CELSR3: variants seen among roughly 807,000 people sequenced by gnomAD.
CELSR3 encodes cadherin EGF LAG seven-pass G-type receptor 3.
A neutral mutation model predicts 270.0 loss-of-function variants in CELSR3; 73 were observed. The observed-to-expected ratio is 0.27, with a 90% CI of 0.22 to 0.33. The LOEUF (loss-of-function observed/expected upper bound fraction) is 0.33, where lower values mean the gene tolerates loss of function less well. Among genes scored for constraint, CELSR3 ranks in the 10% least tolerant of loss-of-function variants. The pLI is 1.00. For missense variants in CELSR3, 3,614 were observed against 4,533.8 expected (o/e 0.80, Z 5.83); for synonymous variants, 1,780 against 1,905.4 (o/e 0.93, Z 1.71).
rs368130403 is a variant in CELSR3 at position 48,645,602 on chromosome 3, G to A, written c.7638C>T (p.Val2546=). The change falls in exon 24 of 35, where the codon GTC becomes GTT. Residue 2546 remains valine, a synonymous_variant. Transcript: ENST00000164024. The surrounding 1 kb of genome is among the most constrained non-coding windows in gnomAD (Gnocchi z 5.4). ...LELLAVFTHV[V]VAVSVAALVL... ...CCAGCGCAGCCACAGACACAGCCAC[G>A]ACCACGTGGGTGAACACAGCCAGCA... The A allele has an allele frequency of 2.4e-5, 39 of 1,612,010 alleles. No individual in the cohort carries two copies. The Admixed American group carries it at 3.2e-4, about 13-fold the overall frequency.
At position 48,657,542 on chromosome 3, in the gene CELSR3, T is replaced by C. The variant is rs551272527; in HGVS notation, c.3749-194A>G. Among the ~76,000 whole-genome samples the C allele has an allele frequency of 6.6e-6, 1 of 152,314 alleles. No individual in the cohort carries two copies. The highest frequency in any genetic ancestry group is 2.4e-5 in the African/African-American group (1 of 41,562). On this transcript the variant is annotated intron_variant, in intron 1 of 34. Transcript: ENST00000164024. The surrounding 1 kb of genome is among the most constrained non-coding windows in gnomAD (Gnocchi z 5.4). ...CAGCATCAAGGTGTCAAAAAGCTGC[T>C]GCTTCCTCCCCCAATCCCCAATACA... is the stretch of plus-strand genomic sequence containing the variant.
chr3:48,651,967 C>T lies in CELSR3; in HGVS notation c.5833G>A (p.Val1945Ile). ...SHRVNAEPGC[V>I]VTNACASGPC... ...CCAGAGGCACAGGCGTTGGTCACAA[C>T]ACAGCCAGGCTCCGCATTCACTCGG... is the stretch of plus-strand genomic sequence containing the variant. The change falls in exon 12 of 35, where the codon GTT (valine) becomes ATT (isoleucine). Residue 1945 changes from valine (V) to isoleucine (I), a missense_variant. Transcript: ENST00000164024. This position sits in a 1 kb window ranked among gnomAD's most constrained non-coding sequence, Gnocchi z 7.4. 1 of 1,605,702 alleles carries T rather than the reference C, an allele frequency of 6.2e-7. No individual in the cohort carries two copies. Among genetic ancestry groups the T allele is most frequent in the Non-Finnish European group, 8.5e-7 (1 of 1,177,200 alleles).
rs750544050 is a variant in CELSR3 at position 48,651,335 on chromosome 3, T to G, written c.6186+24A>C. ...TTGCAGATTGCGTCCAAGGAAGGGT[T>G]AAAAGGTCAGGGGCCAGGCGCACCT... On this transcript the variant is annotated intron_variant, in intron 14 of 34. Coordinates refer to ENST00000164024, the MANE Select transcript of CELSR3 (RefSeq NM_001407.3). This position sits in a 1 kb window ranked among gnomAD's most constrained non-coding sequence, Gnocchi z 7.4. 6.2e-7 allele frequency: 1 copy of G among 1,613,476 alleles called. No homozygotes were observed. The highest frequency in any genetic ancestry group is 8.5e-7 in the Non-Finnish European group (1 of 1,179,586).
At position 48,655,992 on chromosome 3, in the gene CELSR3, G is replaced by A. The variant is rs1347050682; in HGVS notation, c.4626-141C>T. The A allele has an allele frequency of 9.0e-7, 1 of 1,107,514 alleles. No homozygotes were observed. Among genetic ancestry groups the A allele is most frequent in the Non-Finnish European group, 1.3e-6 (1 of 763,086 alleles). 68.6% of individuals were successfully genotyped at this position (1,107,514 alleles called of 1,614,324 possible). On this transcript the variant is annotated intron_variant, in intron 3 of 34. Coordinates refer to ENST00000164024, the MANE Select transcript of CELSR3 (RefSeq NM_001407.3). The surrounding 1 kb of genome is among the most constrained non-coding windows in gnomAD (Gnocchi z 5.8). ...CGGCGGGACCGACCGGGGGGACGCG[G>A]GTGCAGCGAGGTCAGGAGACCCCGG...
At position 48,651,245 on chromosome 3, in the gene CELSR3, C is replaced by T. The variant is rs1227474568; in HGVS notation, c.6186+114G>A. 6.5e-7 allele frequency: 1 copy of T among 1,534,318 alleles called. No individual in the cohort carries two copies. The highest frequency in any genetic ancestry group is 1.8e-5 in the Admixed American group (1 of 56,718). On this transcript the variant is annotated intron_variant, in intron 14 of 34. Coordinates refer to ENST00000164024, the MANE Select transcript of CELSR3 (RefSeq NM_001407.3). This position sits in a 1 kb window ranked among gnomAD's most constrained non-coding sequence, Gnocchi z 7.4. Reference sequence around the variant, plus strand: ...AAAGGATGAGAGACAGCAACTTGGTCACAGGACACAGGCAAGAGGTTAGGG... The same window carrying T: ...AAAGGATGAGAGACAGCAACTTGGTTACAGGACACAGGCAAGAGGTTAGGG...
chr3:48,655,503 C>G lies in CELSR3; in HGVS notation c.4742-109G>C, dbSNP rs374148807. 1 of 1,135,168 alleles carries G rather than the reference C, an allele frequency of 8.8e-7. No individual in the cohort carries two copies. The highest frequency in any genetic ancestry group is 1.3e-6 in the Non-Finnish European group (1 of 763,214). 70.3% of individuals were successfully genotyped at this position (1,135,168 alleles called of 1,614,324 possible). A position where few individuals can be genotyped will look rare whatever the true frequency, so the allele number is the denominator to read the frequency against. ...GCCACCCTGGATGCATCAGATCAGT[C>G]CCCCCACTGGTGACCACAATGGCTG... On this transcript the variant is annotated intron_variant, in intron 4 of 34. Transcript: ENST00000164024. The surrounding 1 kb of genome is among the most constrained non-coding windows in gnomAD (Gnocchi z 5.8).
rs759422396 is a variant in CELSR3, at chr3:48,661,088, C to T, written c.1547G>A (p.Ser516Asn). 12 of 1,613,258 alleles carry T rather than the reference C, an allele frequency of 7.4e-6. No individual in the cohort carries two copies. Among genetic ancestry groups the T allele is most frequent in the Non-Finnish European group, 1.0e-5 (12 of 1,179,940 alleles). Reference protein sequence around the residue: ...MESYELVVEASDQGQEPGPRS... With the variant: ...MESYELVVEANDQGQEPGPRS... ...CGGCCCGGGTTCCTGGCCCTGGTCG[C>T]TGGCTTCCACCACCAGCTCATAGCT... The change falls in exon 1 of 35, where the codon AGC becomes AAC. Residue 516 changes from serine to asparagine, a missense_variant. Transcript: ENST00000164024.
rs1419563936 is a variant in CELSR3 at position 48,661,563 on chromosome 3, C to T, written c.1072G>A (p.Gly358Arg). The T allele has an allele frequency of 2.5e-6, 4 of 1,608,268 alleles. No homozygotes were observed. The highest frequency in any genetic ancestry group is 2.2e-5 in the East Asian group (1 of 44,854). The change falls in exon 1 of 35, where the codon GGG (glycine) becomes AGG (arginine). Residue 358 changes from glycine (G) to arginine (R), a missense_variant. Physicochemically the swap from Gly to Arg is moderately radical, Grantham distance 125. Coordinates refer to ENST00000164024, the MANE Select transcript of CELSR3 (RefSeq NM_001407.3). ...VAQDPDAGEAGRLVYSLAALM... is the reference protein window; with the variant it reads ...VAQDPDAGEARRLVYSLAALM... ...GCCGCCAGCGAGTAGACTAGGCGCCCGGCCTCGCCGGCGTCCGGGTCCTGA... is the reference window on the plus strand; with the variant it reads ...GCCGCCAGCGAGTAGACTAGGCGCCTGGCCTCGCCGGCGTCCGGGTCCTGA...
chr3:48,651,897 A>T lies in CELSR3; in HGVS notation c.5903T>A (p.Phe1968Tyr). The change falls in exon 12 of 35, where the codon TTT becomes TAT. Residue 1968 changes from phenylalanine (F) to tyrosine (Y), a missense_variant. This residue lies in a region of CELSR3 where 1,331 missense variants were observed against 1,933.7 expected (regional missense o/e 0.69). Coordinates refer to ENST00000164024, the MANE Select transcript of CELSR3 (RefSeq NM_001407.3). The surrounding 1 kb of genome is among the most constrained non-coding windows in gnomAD (Gnocchi z 7.4). ...HADCRDLWQT[F>Y]SCTCQPGYYG... Reference sequence around the variant, plus strand: ...CTCACCTGGCTGGCAGGTGCAAGAAAAGGTCTGCCAGAGGTCCCGGCAGTC... The same window carrying T: ...CTCACCTGGCTGGCAGGTGCAAGAATAGGTCTGCCAGAGGTCCCGGCAGTC... 1 of 1,612,018 alleles carries T rather than the reference A, an allele frequency of 6.2e-7. No individual in the cohort carries two copies. Among genetic ancestry groups the T allele is most frequent in the Non-Finnish European group, 8.5e-7 (1 of 1,179,294 alleles).
chr3:48,662,078 G>A lies in CELSR3; in HGVS notation c.557C>T (p.Ser186Phe), dbSNP rs2077071354. The change falls in exon 1 of 35, where the codon TCC (serine) becomes TTC (phenylalanine). Residue 186 changes from serine (S) to phenylalanine (F), a missense_variant. By Grantham distance (155) the Ser-to-Phe change is radical. Transcript: ENST00000164024. This position sits in a 1 kb window ranked among gnomAD's most constrained non-coding sequence, Gnocchi z 7.1. ...GCCTGTCCCAGCGTTCCGCTGGGAGGACACCGGCTTGGGACCGTGGTGCCG... is the reference window on the plus strand; with the variant it reads ...GCCTGTCCCAGCGTTCCGCTGGGAGAACACCGGCTTGGGACCGTGGTGCCG... ...LIRHHGPKPV[S>F]SQRNAGTGSR... 1 of 1,614,098 alleles carries A rather than the reference G, an allele frequency of 6.2e-7. No individual in the cohort carries two copies. Among genetic ancestry groups the A allele is most frequent in the Non-Finnish European group, 8.5e-7 (1 of 1,180,030 alleles).
At position 48,659,304 on chromosome 3, in the gene CELSR3, T is replaced by C. The variant is rs1401556920; in HGVS notation, c.3331A>G (p.Ile1111Val). The change falls in exon 1 of 35, where the codon ATC becomes GTC. Residue 1111 changes from isoleucine (I) to valine (V), a missense_variant. By Grantham distance (29) the Ile-to-Val change is conservative. Around this residue, in one of 7 missense-constraint regions of CELSR3, gnomAD observed 1,331 missense variants for 1,933.7 expected, o/e 0.69. Coordinates refer to ENST00000164024, the MANE Select transcript of CELSR3 (RefSeq NM_001407.3). This position sits in a 1 kb window ranked among gnomAD's most constrained non-coding sequence, Gnocchi z 8.1. ...HIMYQIVEGN[I>V]PELFQMDIFS... ...ATGTCCATTTGGAACAGCTCAGGGA[T>C]GTTCCCCTCCACGATCTGGTACATT... The C allele has an allele frequency of 2.5e-6, 4 of 1,614,176 alleles. No individual in the cohort carries two copies. The highest frequency in any genetic ancestry group is 3.4e-6 in the Non-Finnish European group (4 of 1,180,022).
At chr3:48,643,705 G>T in intron 27 of CELSR3, 28 bp from the exon 28 acceptor site, 2 of 1,551,024 alleles carry the variant, frequency 1.3e-6, no homozygotes, top group South Asian at 1.2e-5. Context: ...GAAGACACAG[G>T]AGGACATGCA....
At position 48,655,013 on chromosome 3, in the gene CELSR3, G is replaced by C; in HGVS notation, c.4988+31C>G. The C allele has an allele frequency of 1.9e-6, 3 of 1,608,860 alleles. No homozygotes were observed. The highest frequency in any genetic ancestry group is 2.6e-6 in the Non-Finnish European group (3 of 1,175,526). On this transcript the variant is annotated intron_variant, in intron 6 of 34. Coordinates refer to ENST00000164024, the MANE Select transcript of CELSR3 (RefSeq NM_001407.3). This position sits in a 1 kb window ranked among gnomAD's most constrained non-coding sequence, Gnocchi z 5.8. The stretch of plus-strand genomic sequence containing the variant: ...GTTGGAGTGGGCTTTGGTAGGCAGG[G>C]GACAAGGGGACTAGGGGGCAGGGGC...
chr3:48,644,424 C>T lies in CELSR3; in HGVS notation c.8086-129G>A. 1.2e-6 allele frequency: 1 copy of T among 805,980 alleles called. No individual in the cohort carries two copies. The highest frequency in any genetic ancestry group is 2.1e-6 in the Non-Finnish European group (1 of 484,574). The allele number at this position is 805,980 out of a possible 1,614,324, so 49.9% of individuals were successfully genotyped here. On this transcript the variant is annotated intron_variant, in intron 26 of 34. Transcript: ENST00000164024. The surrounding 1 kb of genome is among the most constrained non-coding windows in gnomAD (Gnocchi z 4.8). ...AACCAGTGAGAAATTCACACATATA[C>T]ACACACACCAAAGGAGCTTAGCATC...
chr3:48,659,452 G>A lies in CELSR3; in HGVS notation c.3183C>T (p.Asn1061=), dbSNP rs568196050. 32 of 1,614,046 alleles carry A rather than the reference G, an allele frequency of 2.0e-5. No individual in the cohort carries two copies. The highest frequency in any genetic ancestry group is 2.7e-5 in the African/African-American group (2 of 74,918). ...VSIQVMVQDV[N]DNAPVFPAEE... The stretch of plus-strand genomic sequence containing the variant: ...CAGCTGGGAAGACAGGTGCATTGTC[G>A]TTCACATCCTGCACCATCACCTGGA... The change falls in exon 1 of 35, where the codon AAC becomes AAT. Residue 1061 remains asparagine (N), a synonymous_variant. Coordinates refer to ENST00000164024, the MANE Select transcript of CELSR3 (RefSeq NM_001407.3). This position sits in a 1 kb window ranked among gnomAD's most constrained non-coding sequence, Gnocchi z 8.1.
In CELSR3 at chr3:48,652,426, C is replaced by T. The variant is rs755420734; in HGVS notation, c.5751+11G>A. On this transcript the variant is annotated intron_variant, in intron 11 of 34. Coordinates refer to ENST00000164024, the MANE Select transcript of CELSR3 (RefSeq NM_001407.3). The surrounding 1 kb of genome is among the most constrained non-coding windows in gnomAD (Gnocchi z 4.3). ...TAATGCCCCATATCACATTCCCATGCTGACCCCCACCTGGATGCAGCCAAC... is the reference window on the plus strand; with the variant it reads ...TAATGCCCCATATCACATTCCCATGTTGACCCCCACCTGGATGCAGCCAAC... 6.9e-6 allele frequency: 11 copies of T among 1,602,172 alleles called. No individual in the cohort carries two copies. The Admixed American group carries it at 1.8e-4, about 27-fold the overall frequency.
At position 48,658,776 on chromosome 3, in the gene CELSR3, G is replaced by A; in HGVS notation, c.3748+111C>T. On this transcript the variant is annotated intron_variant, in intron 1 of 34. Coordinates refer to ENST00000164024, the MANE Select transcript of CELSR3 (RefSeq NM_001407.3). The surrounding 1 kb of genome is among the most constrained non-coding windows in gnomAD (Gnocchi z 4.7). ...TAGGGTGCAGGAACCCTACCCTTAA[G>A]GGGTTCTTGGAAGGCTTAGAAATCC... The A allele has an allele frequency of 7.5e-7, 1 of 1,336,274 alleles. No individual in the cohort carries two copies. The highest frequency in any genetic ancestry group is 1.0e-6 in the Non-Finnish European group (1 of 966,424). 82.8% of individuals were successfully genotyped at this position (1,336,274 alleles called of 1,614,324 possible).
In CELSR3 at chr3:48,641,747, CAG is replaced by C. The variant is rs2047028392; in HGVS notation, c.8824+102_8824+103del. On this transcript the variant is annotated intron_variant, in intron 32 of 34. Coordinates refer to ENST00000164024, the MANE Select transcript of CELSR3 (RefSeq NM_001407.3). The surrounding 1 kb of genome is among the most constrained non-coding windows in gnomAD (Gnocchi z 4.8). ...TTGGGGAACCTGATGACTGAGGGGT[CAG>C]AAAGACCAGGATGAACCCCAACCGC... 13 of 1,218,506 alleles carry C rather than the reference CAG, an allele frequency of 1.1e-5. No homozygotes were observed. The highest frequency in any genetic ancestry group is 1.2e-5 in the Non-Finnish European group (11 of 901,056). 75.5% of individuals were successfully genotyped at this position (1,218,506 alleles called of 1,614,324 possible). A position where few individuals can be genotyped will look rare whatever the true frequency, so the allele number is the denominator to read the frequency against.
Position 48,659,977 on chromosome 3 carries a change from G to A in CELSR3, c.2658C>T (p.Asp886=), listed in dbSNP as rs73830470. 1.7e-3 allele frequency: 2,720 copies of A among 1,614,132 alleles called. 34 individuals carry two copies. The African/African-American group carries it at 0.03, about 18-fold the overall frequency. The change falls in exon 1 of 35, where the codon GAC becomes GAT. Residue 886 remains aspartate, a synonymous_variant. Transcript: ENST00000164024. The surrounding 1 kb of genome is among the most constrained non-coding windows in gnomAD (Gnocchi z 8.1). ...TIVVISASDD[D]VGENARITYL... ...AGGTGATACGAGCATTCTCACCCAC[G>A]TCATCATCAGAGGCACTGATGACCA...
Sources: allele counts gnomAD v4.1 joint callset (sites outside exome capture counted in the v4.1 genomes callset), GRCh38; gene constraint gnomAD v4.1.1; regional missense constraint gnomAD v4.1.1; non-coding constraint Gnocchi (gnomAD v3.1); transcripts MANE v1.5; gene names NCBI Gene and HGNC (gene_info 2026-07-23, HGNC 2026-07-21).